The following SDK1 variants were observed in gnomAD, a reference collection of about 807,000 sequenced individuals.
SDK1 encodes protein sidekick-1.
A neutral mutation model predicts 245.5 loss-of-function variants in SDK1; 157 were observed. The ratio of observed to expected loss-of-function variants is 0.64; its 90% CI spans 0.56 to 0.73. The LOEUF (loss-of-function observed/expected upper bound fraction) is 0.73, where lower values mean the gene tolerates loss of function less well. Ranked by LOEUF, SDK1 falls within the 30% of genes least tolerant of loss-of-function variation. SDK1 has a pLI of 0.00. For synonymous variants in SDK1, 1,647 were observed against 1,278.5 expected (o/e 1.29, Z -6.15); for missense variants, 3,583 against 3,002.3 (o/e 1.19, Z -4.52).
At chr7:4,099,976 G>A (rs1308373537) in intron 22 of SDK1, among the ~76,000 whole-genome samples, 3 of 152,084 alleles carry the variant, frequency 2.0e-5, no homozygotes, top group Admixed American at 6.5e-5. Flanking sequence ...TCGCTATGTG[G>A]ACAGGAAGTC....
chr7:3,528,472 A>C (rs1310593700), intron 1 of SDK1, among the ~76,000 whole-genome samples: 1 of 151,976 alleles, frequency 6.6e-6, no homozygotes, highest in Non-Finnish European at 1.5e-5. Flanking sequence ...ATTTTCTTTT[A>C]GGCATAAGAG....
intron 4 of SDK1, among the ~76,000 whole-genome samples, chr7:3,652,921 A>C (rs1259235140): frequency 6.6e-6 from 1 of 152,170 alleles, no homozygotes. Context: ...AGTAGGATAG[A>C]ATCAGAAGAC....
At chr7:4,218,170 G>A (rs111646698) in intron 38 of SDK1, among the ~76,000 whole-genome samples, 13,433 of 152,188 alleles carry the variant, frequency 0.088, 606 homozygotes, top group Middle Eastern at 0.13. Flanking sequence ...TTGGGAGGCC[G>A]AGGTGGGCAG....
At chr7:4,220,360 A>G (rs544279244) in intron 39 of SDK1, 90 bp downstream of exon 39, 1 of 1,388,142 alleles carries the variant, frequency 7.2e-7, no homozygotes, top group East Asian at 2.3e-5. Context: ...CTACATGGTC[A>G]ACAAGGTGAT....
intron 1 of SDK1, among the ~76,000 whole-genome samples, chr7:3,311,698 CA>C (rs1779554192): frequency 6.6e-6 from 1 of 152,096 alleles, no homozygotes; most frequent in Admixed American, 6.6e-5. Context: ...ACATTGTCAC[CA>C]AAGCTGAATG....
At chr7:3,859,347 C>G (rs748165051) in intron 5 of SDK1, among the ~76,000 whole-genome samples, 7 of 152,108 alleles carry the variant, frequency 4.6e-5, no homozygotes, top group Non-Finnish European at 8.8e-5. Flanking sequence ...ATGATGGCAT[C>G]AGGGTAGTTG....
At chr7:3,569,103 A>T (rs1780022692) in intron 1 of SDK1, among the ~76,000 whole-genome samples, 2 of 148,154 alleles carry the variant, frequency 1.3e-5, no homozygotes, top group African/African-American at 2.5e-5. Flanking sequence ...TTTTATATTT[A>T]CTCATTTAAA....
chr7:3,693,660 G>A (rs1476751948), intron 4 of SDK1, among the ~76,000 whole-genome samples: 1 of 151,842 alleles, frequency 6.6e-6, no homozygotes, highest in African/African-American at 2.4e-5. Flanking sequence ...GGCTATAATT[G>A]TTATCTTTCT....
chr7:3,631,866 G>C (rs1782304842), intron 2 of SDK1, among the ~76,000 whole-genome samples: 1 of 152,208 alleles, frequency 6.6e-6, no homozygotes, highest in African/African-American at 2.4e-5. Context: ...ACTCCCGAGT[G>C]AGACAAGTGG....
At chr7:3,632,678 C>T (rs1436930661) in intron 2 of SDK1, among the ~76,000 whole-genome samples, 1 of 152,158 alleles carries the variant, frequency 6.6e-6, no homozygotes, top group Non-Finnish European at 1.5e-5. Flanking sequence ...TCCATCGTTA[C>T]CATACTGTTT....
chr7:3,885,141 A>G (rs1009697063), intron 5 of SDK1, among the ~76,000 whole-genome samples: 3 of 152,068 alleles, frequency 2.0e-5, no homozygotes, highest in African/African-American at 7.2e-5. Context: ...TAATTCGGGA[A>G]TGAGGGATGT....
rs906073017 is a variant in SDK1, at chr7:4,168,590, C to T, written c.4801-5632C>T. On this transcript the variant is annotated intron_variant, in intron 32 of 44. Transcript: ENST00000404826. ...GAATTGAATCCAGCCTTCGTCACGCCACCTGAGCTTCCCTCCTCCCCCAGA... is the reference window on the plus strand; with the variant it reads ...GAATTGAATCCAGCCTTCGTCACGCTACCTGAGCTTCCCTCCTCCCCCAGA... Among the ~76,000 whole-genome samples the T allele has an allele frequency of 5.3e-5, 8 of 152,310 alleles. 1 individual carries two copies. The South Asian group carries it at 1.7e-3, about 32-fold the overall frequency.
At position 4,076,999 on chromosome 7, in the gene SDK1, C is replaced by T; in HGVS notation, c.3012C>T (p.Gly1004=). ...EPLEKNGIIT[G]YQISWEVYGR... The stretch of plus-strand genomic sequence containing the variant: ...TGGTCTGGTCCTGTTGCTTTCTAGG[C>T]TATCAGATCTCTTGGGAAGTGTACG... The change falls in exon 21 of 45, where the codon GGC becomes GGT. Residue 1004 remains glycine, a splice_region_variant and synonymous_variant. Coordinates refer to ENST00000404826, the MANE Select transcript of SDK1 (RefSeq NM_152744.4). 1 of 1,613,730 alleles carries T rather than the reference C, an allele frequency of 6.2e-7. No homozygotes were observed. Among genetic ancestry groups the T allele is most frequent in the Non-Finnish European group, 8.5e-7 (1 of 1,179,912 alleles).
chr7:4,245,952 TGAGAA>T, intron 44 of SDK1, 147 bp downstream of exon 44: 1 of 1,015,538 alleles, frequency 9.8e-7, no homozygotes, highest in Non-Finnish European at 1.4e-6. Context: ...ATTATGCAGA[TGAGAA>T]AAGAGCCGAA....
intron 1 of SDK1, among the ~76,000 whole-genome samples, chr7:3,496,794 G>A (rs1782039436): frequency 6.6e-6 from 1 of 152,132 alleles, no homozygotes; most frequent in Admixed American, 6.6e-5. Context: ...GTCTAGTGGA[G>A]GTACACAAAT....
chr7:3,652,891 G>C (rs2128656409), intron 4 of SDK1, among the ~76,000 whole-genome samples: 1 of 152,310 alleles, frequency 6.6e-6, no homozygotes, highest in Admixed American at 6.5e-5. Flanking sequence ...CTTTATAAGA[G>C]AGGAGGTGAA....
At chr7:4,068,702 G>C (rs1330292916) in intron 20 of SDK1, among the ~76,000 whole-genome samples, 1 of 136,618 alleles carries the variant, frequency 7.3e-6, no homozygotes, top group Admixed American at 6.9e-5. Flanking sequence ...CCTTTTTTAG[G>C]GTTTTTAATG....
chr7:4,135,973 G>C (rs1332550014), intron 28 of SDK1, among the ~76,000 whole-genome samples: 1 of 152,210 alleles, frequency 6.6e-6, no homozygotes, highest in Non-Finnish European at 1.5e-5. Context: ...TTGCCGACAA[G>C]AGAAAGAAAA....
intron 8 of SDK1, 93 bp from the exon 9 acceptor site, chr7:3,962,564 A>C: frequency 4.5e-6 from 5 of 1,114,622 alleles, no homozygotes; most frequent in Non-Finnish European, 5.1e-6. Context: ...ATGCCTATTA[A>C]AATATTGGCA....
Sources: gnomAD v4.1 joint callset for allele counts (sites outside exome capture counted in the v4.1 genomes callset) on GRCh38, gnomAD v4.1.1 for gene constraint, MANE v1.5 for transcripts, NCBI Gene and HGNC (gene_info 2026-07-23, HGNC 2026-07-21) for gene names.